IGSF21: variants seen among roughly 807,000 people sequenced by gnomAD.
IGSF21 encodes the protein immunoglobin superfamily member 21, also known as immunoglobulin superfamily member 21.
Under a neutral mutation model 46.8 loss-of-function variants are expected in IGSF21, and 28 were observed. The observed-to-expected ratio is 0.60, with a 90% CI of 0.44 to 0.82. The LOEUF (loss-of-function observed/expected upper bound fraction) is 0.82, where lower values mean the gene tolerates loss of function less well. IGSF21 is among the 40% of genes least tolerant of loss of function. IGSF21 has a pLI of 0.00. For synonymous variants in IGSF21, 284 were observed against 273.6 expected, an observed-to-expected ratio of 1.04 and a Z score of -0.38; for missense variants, 624 against 665.5, an observed-to-expected ratio of 0.94 and a Z score of 0.69.
chr1:18,108,108 C>T lies in IGSF21; in HGVS notation c.-21C>T, dbSNP rs1191495181. On this transcript the variant is annotated 5_prime_UTR_variant, in exon 1 of 10. Transcript: ENST00000251296. ...GCCTCCACCCCCGCCGCCCCGCCAC[C>T]GCCGCCAGCTCCCGGGCACCATGCG... 4 of 1,273,562 alleles carry T rather than the reference C, an allele frequency of 3.1e-6. No homozygotes were observed. The African/African-American group carries it at 4.7e-5, about 15-fold the overall frequency. The allele number at this position is 1,273,562 out of a possible 1,614,324, so 78.9% of individuals were successfully genotyped here. A position where few individuals can be genotyped will look rare whatever the true frequency, so the allele number is the denominator to read the frequency against.
rs559733429 is a variant in IGSF21 at position 18,288,301 on chromosome 1, C to A, written c.184-3565C>A. 3.3e-4 allele frequency among the ~76,000 whole-genome samples: 51 copies of A among 152,328 alleles called. 1 individual carries two copies. Among genetic ancestry groups the A allele is most frequent in the African/African-American group, 1.2e-3 (51 of 41,574 alleles). ...CTCCAGGAAGCCTTCCATGATCACC[C>A]TTCCCTCCAAGGGGATTCTTGGCTC... On this transcript the variant is annotated intron_variant, in intron 2 of 9. Coordinates refer to ENST00000251296, the MANE Select transcript of IGSF21 (RefSeq NM_032880.5).
At chr1:18,273,429 CCTTT>C (rs1395387000) in intron 2 of IGSF21, among the ~76,000 whole-genome samples, 26 of 134,650 alleles carry the variant, frequency 1.9e-4, no homozygotes, top group Non-Finnish European at 3.0e-4. Flanking sequence ...CCTTTCCTTT[CCTTT>C]CTTTCTTTCT....
intron 4 of IGSF21, among the ~76,000 whole-genome samples, chr1:18,341,012 C>CTTCT (rs1408481162): frequency 7.1e-5 from 6 of 85,090 alleles, no homozygotes; most frequent in East Asian, 3.8e-4. Flanking sequence ...CCTCCTTCTT[C>CTTCT]TCTTCTTCTT....
intron 4 of IGSF21, among the ~76,000 whole-genome samples, chr1:18,339,712 G>A (rs762016505): frequency 9.2e-5 from 14 of 152,170 alleles, no homozygotes; most frequent in Non-Finnish European, 1.5e-4. Flanking sequence ...GCAACAGTGA[G>A]ACCCTGTCTC....
intron 3 of IGSF21, among the ~76,000 whole-genome samples, chr1:18,320,079 A>G (rs2085586104): frequency 6.6e-6 from 1 of 152,246 alleles, no homozygotes; most frequent in South Asian, 2.1e-4. Context: ...TACTGTGCTC[A>G]GTGTGAGAGA....
At chr1:18,135,531 G>C (rs995698710) in intron 1 of IGSF21, among the ~76,000 whole-genome samples, 1 of 151,628 alleles carries the variant, frequency 6.6e-6, no homozygotes, top group Non-Finnish European at 1.5e-5. Flanking sequence ...TTGTCCTTGC[G>C]ATAGTTTGCT....
At chr1:18,159,764 C>T (rs1289385890) in intron 1 of IGSF21, among the ~76,000 whole-genome samples, 1 of 149,668 alleles carries the variant, frequency 6.7e-6, no homozygotes, top group African/African-American at 2.5e-5. Context: ...CTCACTGCAA[C>T]CTCCACCTCC....
chr1:18,355,695 T>C (rs521994), intron 4 of IGSF21, among the ~76,000 whole-genome samples: 48,430 of 151,980 alleles, frequency 0.32, 8,144 homozygotes, highest in African/African-American at 0.43. Context: ...TATGGTGGTA[T>C]CCTTGGTTGA....
intron 3 of IGSF21, among the ~76,000 whole-genome samples, chr1:18,329,044 G>C (rs1194398442): frequency 6.6e-6 from 1 of 152,206 alleles, no homozygotes; most frequent in Non-Finnish European, 1.5e-5. Context: ...ATTACCTAGA[G>C]AGGTGGCAAG....
At chr1:18,149,464 G>A (rs1485878669) in intron 1 of IGSF21, among the ~76,000 whole-genome samples, 3 of 152,174 alleles carry the variant, frequency 2.0e-5, no homozygotes, top group Admixed American at 1.3e-4. Context: ...GTGAATGCTG[G>A]CGAATCACAG....
intron 1 of IGSF21, among the ~76,000 whole-genome samples, chr1:18,143,335 A>T (rs935051884): frequency 2.6e-5 from 4 of 152,034 alleles, no homozygotes; most frequent in African/African-American, 9.7e-5. Flanking sequence ...TCTAGGCTGG[A>T]TGACACAACA....
intron 1 of IGSF21, among the ~76,000 whole-genome samples, chr1:18,184,454 C>T (rs1186572512): frequency 6.6e-5 from 10 of 152,270 alleles, no homozygotes; most frequent in African/African-American, 1.4e-4. Flanking sequence ...AATCTTTCCT[C>T]GTAAATTAAT....
At chr1:18,262,641 T>C (rs1261628821) in intron 2 of IGSF21, among the ~76,000 whole-genome samples, 2 of 152,220 alleles carry the variant, frequency 1.3e-5, no homozygotes, top group Admixed American at 1.3e-4. Context: ...GTCTGGTTCC[T>C]GGAGAGAGCT....
At chr1:18,224,595 T>C (rs971767326) in intron 1 of IGSF21, among the ~76,000 whole-genome samples, 1 of 152,206 alleles carries the variant, frequency 6.6e-6, no homozygotes, top group Non-Finnish European at 1.5e-5. Flanking sequence ...GTTACTGATA[T>C]GTCCCCATTG....
intron 2 of IGSF21, among the ~76,000 whole-genome samples, chr1:18,278,215 T>C (rs397817595): frequency 1.2e-5 from 1 of 81,854 alleles, no homozygotes; most frequent in Admixed American, 1.2e-4. Flanking sequence ...TTCATTTATT[T>C]ATTTATTTAT....
intron 2 of IGSF21, among the ~76,000 whole-genome samples, chr1:18,233,677 T>C (rs985014856): frequency 2.6e-5 from 4 of 152,202 alleles, no homozygotes; most frequent in African/African-American, 9.6e-5. Context: ...AGGGAAATTA[T>C]AGAATAAGAG....
intron 1 of IGSF21, among the ~76,000 whole-genome samples, chr1:18,172,505 G>T (rs994175144): frequency 6.6e-6 from 1 of 152,190 alleles, no homozygotes; most frequent in Non-Finnish European, 1.5e-5. Flanking sequence ...GTTCTGGGGA[G>T]GGCTCTCCTC....
intron 1 of IGSF21, among the ~76,000 whole-genome samples, chr1:18,171,219 A>G (rs2086733191): frequency 6.6e-6 from 1 of 152,088 alleles, no homozygotes; most frequent in African/African-American, 2.4e-5. Context: ...AGCCATGATT[A>G]AAAGGTCAGT....
chr1:18,344,117 A>G (rs1416882852), intron 4 of IGSF21, among the ~76,000 whole-genome samples: 3 of 152,202 alleles, frequency 2.0e-5, no homozygotes, highest in African/African-American at 7.2e-5. Flanking sequence ...CTGGAATCCC[A>G]GCCTGGCACT....
Sources: gnomAD v4.1 joint callset for allele counts (sites outside exome capture counted in the v4.1 genomes callset) on GRCh38, gnomAD v4.1.1 for gene constraint, MANE v1.5 for transcripts, NCBI Gene and HGNC (gene_info 2026-07-23, HGNC 2026-07-21) for gene names.